The following GRB10 variants were observed in gnomAD, a reference collection of about 807,000 sequenced individuals.
GRB10 encodes the protein growth factor receptor-bound protein 10.
In GRB10, 20 loss-of-function variants were observed where a neutral mutation model predicts 80.9. That is an observed-to-expected ratio of 0.25 (90% confidence interval 0.17 to 0.36). GRB10 has a LOEUF of 0.36. Ranked by LOEUF, GRB10 falls within the 10% of genes least tolerant of loss-of-function variation. The pLI, the probability that GRB10 is intolerant of heterozygous loss-of-function variation, is 1.00. For missense variants in GRB10, 548 were observed against 747.7 expected (o/e 0.73, Z 3.12); for synonymous variants, 291 against 291.5 (o/e 1.00, Z 0.02).
chr7:50,629,041 C>T (rs1006674670), intron 7 of GRB10, among the ~76,000 whole-genome samples: 1 of 152,134 alleles, frequency 6.6e-6, no homozygotes, highest in African/African-American at 2.4e-5. Flanking sequence ...AATATGCTAA[C>T]CATCATAGGG....
At chr7:50,762,290 AAAC>A (rs1369248964) in intron 2 of GRB10, among the ~76,000 whole-genome samples, 1 of 150,914 alleles carries the variant, frequency 6.6e-6, no homozygotes. Context: ...GAAGCAACCA[AAAC>A]AACACACTTA....
At chr7:50,612,249 T>G (rs1377721594) in intron 13 of GRB10, among the ~76,000 whole-genome samples, 2 of 152,194 alleles carry the variant, frequency 1.3e-5, no homozygotes, top group Admixed American at 1.3e-4. Flanking sequence ...TAACACCTCA[T>G]GTACTATTTC....
In GRB10 at chr7:50,619,206, C is replaced by A. The variant is rs1563177871; in HGVS notation, c.741G>T (p.Lys247Asn). ...TAAAGAACTCGTATTTTGCGTAATT[C>A]TTCCTGAATAGAAATTTACTCTCAC... is the stretch of plus-strand genomic sequence containing the variant. ...MASESKFLFRKNYAKYEFFKN... is the reference protein window; with the variant it reads ...MASESKFLFRNNYAKYEFFKN... Residue 247 changes from lysine (K) to asparagine (N), a missense_variant, in exon 9 of 19, where the codon AAG becomes AAT. Around this residue, in one of 4 missense-constraint regions of GRB10, gnomAD observed 270 missense variants for 433.6 expected, o/e 0.62. Coordinates refer to ENST00000401949, the MANE Select transcript of GRB10 (RefSeq NM_001350814.2). 2 of 1,613,038 alleles carry A rather than the reference C, an allele frequency of 1.2e-6. No individual in the cohort carries two copies. The highest frequency in any genetic ancestry group is 8.5e-7 in the Non-Finnish European group (1 of 1,179,016).
chr7:50,641,162 GCTTGCTCTT>G (rs2056160329), intron 7 of GRB10, among the ~76,000 whole-genome samples: 1 of 59,176 alleles, frequency 1.7e-5, no homozygotes, highest in African/African-American at 8.4e-5. Flanking sequence ...CCTCACTCTT[GCTTGCTCTT>G]GCTCACTCTG....
chr7:50,645,389 T>C (rs922882026), intron 7 of GRB10, among the ~76,000 whole-genome samples: 5 of 152,082 alleles, frequency 3.3e-5, no homozygotes, highest in African/African-American at 4.8e-5. Context: ...ACACAACCCA[T>C]GCAAAAATCA....
intron 17 of GRB10, among the ~76,000 whole-genome samples, 174 bp downstream of exon 17, chr7:50,603,824 T>G (rs2048041945): frequency 6.6e-6 from 1 of 152,240 alleles, no homozygotes; most frequent in African/African-American, 2.4e-5. Flanking sequence ...TGCCCCTTAC[T>G]AGCTGGGCAA....
rs532627658 is a variant in GRB10, at chr7:50,791,327, G to C, written c.-294+1897C>G. The stretch of plus-strand genomic sequence containing the variant: ...TGGTAACATGGCATTAACCTTGAAG[G>C]CTGGGAGCCCCCAGACCAGGCAATC... On this transcript the variant is annotated intron_variant, in intron 1 of 16. Coordinates refer to the GRB10 transcript ENST00000335866. Among the ~76,000 whole-genome samples the C allele has an allele frequency of 2.6e-5, 4 of 152,276 alleles. No individual in the cohort carries two copies. In the South Asian group the frequency reaches 8.3e-4, roughly 32 times the overall value.
upstream of GRB10, among the ~76,000 whole-genome samples, chr7:50,786,490 A>C (rs950173778): frequency 9.9e-5 from 15 of 152,192 alleles, no homozygotes; most frequent in African/African-American, 3.1e-4. Flanking sequence ...ACAAAACAAA[A>C]CAAAAAACAA....
chr7:50,730,016 C>T (rs1333830032), intron 4 of GRB10, among the ~76,000 whole-genome samples: 1 of 152,208 alleles, frequency 6.6e-6, no homozygotes, highest in East Asian at 1.9e-4. Flanking sequence ...CATATTTCCT[C>T]TAATCCCTGC....
intron 7 of GRB10, among the ~76,000 whole-genome samples, chr7:50,661,731 G>A (rs2237459): frequency 0.63 from 96,398 of 151,996 alleles, 32,561 homozygotes; most frequent in African/African-American, 0.89. Flanking sequence ...ACTCACTGGG[G>A]CCTGTGGGGT....
chr7:50,663,154 G>C (rs2153630666), intron 7 of GRB10, among the ~76,000 whole-genome samples: 1 of 152,284 alleles, frequency 6.6e-6, no homozygotes, highest in Middle Eastern at 3.4e-3. Context: ...GCCTGGGAAG[G>C]GCAAGGCCAC....
At chr7:50,678,932 T>C (rs2061260985) in intron 5 of GRB10, among the ~76,000 whole-genome samples, 1 of 152,212 alleles carries the variant, frequency 6.6e-6, no homozygotes, top group South Asian at 2.1e-4. Context: ...AATATTCAGA[T>C]TGTCTATTTA....
chr7:50,756,288 T>C (rs1003084325), intron 2 of GRB10, among the ~76,000 whole-genome samples: 1 of 152,214 alleles, frequency 6.6e-6, no homozygotes, highest in Non-Finnish European at 1.5e-5. Context: ...TGCACTGGGC[T>C]CTACGCTCAC....
At chr7:50,708,933 C>T (rs562436564) in intron 4 of GRB10, among the ~76,000 whole-genome samples, 5 of 152,138 alleles carry the variant, frequency 3.3e-5, no homozygotes, top group South Asian at 2.1e-4. Context: ...CTTGGCCTCC[C>T]AAAGTGCTGG....
chr7:50,726,745 T>C (rs1161534307), intron 4 of GRB10, among the ~76,000 whole-genome samples: 3 of 152,212 alleles, frequency 2.0e-5, no homozygotes, highest in Non-Finnish European at 2.9e-5. Context: ...AACTGACTTA[T>C]GGCATTTCAT....
chr7:50,727,000 A>G (rs1413550314), intron 4 of GRB10: 1 of 152,226 alleles, frequency 6.6e-6, no homozygotes, highest in African/African-American at 2.4e-5. Flanking sequence ...ACCGCGTAGC[A>G]TTGGCAGGAG....
At chr7:50,741,062 G>C (rs929844452) in intron 3 of GRB10, among the ~76,000 whole-genome samples, 2 of 152,124 alleles carry the variant, frequency 1.3e-5, no homozygotes, top group Non-Finnish European at 2.9e-5. Flanking sequence ...AAACAGCAAA[G>C]TATCAAAATA....
Position 50,775,161 on chromosome 7 carries a change from C to CA in GRB10, c.-217+5465dup, listed in dbSNP as rs777553621. 5.2e-3 allele frequency among the ~76,000 whole-genome samples: 162 copies of CA among 30,980 alleles called. 28 individuals are homozygous for CA. Among genetic ancestry groups the CA allele is most frequent in the Non-Finnish European group, 8.1e-3 (125 of 15,420 alleles). 20.3% of individuals were successfully genotyped at this position (30,980 alleles called of 152,430 possible). A position where few individuals can be genotyped will look rare whatever the true frequency, so the allele number is the denominator to read the frequency against. ...GAATGACACAGTGAGATCCTGTCTC[C>CA]AAAAAAAAAAAACAAAAAAAAACAG... On this transcript the variant is annotated intron_variant, in intron 2 of 18. Coordinates refer to ENST00000401949, the MANE Select transcript of GRB10 (RefSeq NM_001350814.2).
intron 7 of GRB10, 82 bp from the exon 8 acceptor site, chr7:50,627,060 A>G: frequency 6.9e-7 from 1 of 1,442,996 alleles, no homozygotes; most frequent in Non-Finnish European, 9.7e-7. Flanking sequence ...GAAAACAGGT[A>G]AAGTAAAAAT....
Sources: allele counts gnomAD v4.1 joint callset (sites outside exome capture counted in the v4.1 genomes callset), GRCh38; gene constraint gnomAD v4.1.1; regional missense constraint gnomAD v4.1.1; transcripts MANE v1.5; gene names NCBI Gene and HGNC (gene_info 2026-07-23, HGNC 2026-07-21).